CBFA2T3: variants seen among roughly 807,000 people sequenced by gnomAD.
CBFA2T3 encodes the protein CBFA2/RUNX1 partner transcriptional co-repressor 3.
In CBFA2T3, 31 loss-of-function variants were observed where a neutral mutation model predicts 58.6. The observed-to-expected ratio is 0.53, with a 90% CI of 0.40 to 0.71. The LOEUF is 0.71. Ranked by LOEUF, CBFA2T3 falls within the 30% of genes least tolerant of loss-of-function variation. The pLI is 0.00. For synonymous variants in CBFA2T3, 531 were observed against 421.9 expected, an observed-to-expected ratio of 1.26 and a Z score of -3.17; for missense variants, 1,076 against 963.1, an observed-to-expected ratio of 1.12 and a Z score of -1.55.
chr16:88,973,882 C>T (rs759281838), intron 1 of CBFA2T3, among the ~76,000 whole-genome samples: 4 of 148,660 alleles, frequency 2.7e-5, no homozygotes, highest in Non-Finnish European at 4.4e-5. Flanking sequence ...ATAACATCTG[C>T]CCGCCTTGCC....
At position 88,898,145 on chromosome 16, in the gene CBFA2T3, C is replaced by T; in HGVS notation, c.312G>A (p.Glu104=). 6.2e-7 allele frequency: 1 copy of T among 1,612,274 alleles called. No individual in the cohort carries two copies. The highest frequency in any genetic ancestry group is 2.2e-5 in the East Asian group (1 of 44,880). ...PPSFTPHTHR[E]DGPATLPHGR... is the part of the protein sequence containing the mutation. The stretch of plus-strand genomic sequence containing the variant: ...CGTGGGGCAGCGTCGCAGGCCCGTC[C>T]TCTCGATCTGTAAGCAAAATAAGAA... The change falls in exon 3 of 12, where the codon GAG becomes GAA. Residue 104 remains glutamate, a synonymous_variant. Transcript: ENST00000268679.
intron 2 of CBFA2T3, among the ~76,000 whole-genome samples, chr16:88,900,408 C>T (rs532267866): frequency 2.0e-4 from 30 of 152,362 alleles, no homozygotes; most frequent in African/African-American, 5.8e-4. Flanking sequence ...AAGCCCTCGG[C>T]GGAGCAGGCC....
At chr16:88,961,867 G>A (rs535957194) in intron 1 of CBFA2T3, among the ~76,000 whole-genome samples, 9 of 140,902 alleles carry the variant, frequency 6.4e-5, no homozygotes, top group African/African-American at 1.9e-4. Flanking sequence ...CATAGTAACC[G>A]ACAGTCAGCG....
At chr16:88,975,184 T>G (rs78482403) in intron 1 of CBFA2T3, among the ~76,000 whole-genome samples, 17,086 of 62,104 alleles carry the variant, frequency 0.28, 1,307 homozygotes, top group East Asian at 0.32. Context: ...CTCCACATCT[T>G]TAGCCATGTC....
At chr16:88,906,857 C>G (rs978818346) in intron 1 of CBFA2T3, among the ~76,000 whole-genome samples, 1 of 152,214 alleles carries the variant, frequency 6.6e-6, no homozygotes, top group Non-Finnish European at 1.5e-5. Flanking sequence ...CAGCCTGGAC[C>G]CTGACTCAGC....
rs1445824207 is a variant in CBFA2T3, at chr16:88,882,742, C to G, written c.1137G>C (p.Gln379His). 2 of 1,583,060 alleles carry G rather than the reference C, an allele frequency of 1.3e-6. No individual in the cohort carries two copies. Among genetic ancestry groups the G allele is most frequent in the Non-Finnish European group, 1.7e-6 (2 of 1,164,612 alleles). Residue 379 changes from glutamine (Q) to histidine (H), a missense_variant, in exon 8 of 12, where the codon CAG (glutamine) becomes CAC (histidine). Coordinates refer to ENST00000268679, the MANE Select transcript of CBFA2T3 (RefSeq NM_005187.6). ...TGAGCTTGTGGTCGATCACTTCTTC[C>G]TGCCGGGACCCAGGCACCACTGTGG... ...HRPLVVPGSR[Q>H]EEVIDHKLTE...
intron 1 of CBFA2T3, among the ~76,000 whole-genome samples, chr16:88,912,011 C>T (rs113576147): frequency 0.018 from 2,675 of 152,348 alleles, 92 homozygotes; most frequent in African/African-American, 0.062. Flanking sequence ...GGCCTGGGTG[C>T]AGAGGTCCCG....
In CBFA2T3 at chr16:88,885,807, G is replaced by A. The variant is rs746463484; in HGVS notation, c.893+154C>T. 5 of 646,608 alleles carry A rather than the reference G, an allele frequency of 7.7e-6. No homozygotes were observed. The highest frequency in any genetic ancestry group is 2.8e-5 in the Admixed American group (1 of 35,250). The allele number at this position is 646,608 out of a possible 1,614,324, so 40.1% of individuals were successfully genotyped here. ...CGCCCGTGCAGCCACCAAGCCTGCT[G>A]GCCCTAGTACACCTCGCCACGCTCC... is the stretch of plus-strand genomic sequence containing the variant. On this transcript the variant is annotated intron_variant, in intron 6 of 11. Coordinates refer to ENST00000268679, the MANE Select transcript of CBFA2T3 (RefSeq NM_005187.6). This position sits in a 1 kb window ranked among gnomAD's most constrained non-coding sequence, Gnocchi z 5.3.
At chr16:88,896,457 G>T (rs557349916) in intron 3 of CBFA2T3, among the ~76,000 whole-genome samples, 2 of 152,260 alleles carry the variant, frequency 1.3e-5, no homozygotes, top group Admixed American at 6.5e-5. Context: ...CTTCTGGGGG[G>T]ACAGTGGACG....
chr16:88,929,072 G>A (rs491224), intron 1 of CBFA2T3, among the ~76,000 whole-genome samples: 63,849 of 152,076 alleles, frequency 0.42, 14,015 homozygotes, highest in Middle Eastern at 0.57. Context: ...TCTGGCTGCC[G>A]AGTGCAAAAT....
chr16:88,966,693 C>T (rs1047517550), intron 1 of CBFA2T3, among the ~76,000 whole-genome samples: 1 of 151,996 alleles, frequency 6.6e-6, no homozygotes, highest in Non-Finnish European at 1.5e-5. Context: ...TGCCTGCCAT[C>T]ACCAACACCT....
chr16:88,913,714 ATCTACAAG>A (rs1355528670), intron 1 of CBFA2T3, among the ~76,000 whole-genome samples: 1 of 152,214 alleles, frequency 6.6e-6, no homozygotes, highest in Non-Finnish European at 1.5e-5. Flanking sequence ...ACAAACAGTG[ATCTACAAG>A]GATGTTTGTC....
intron 1 of CBFA2T3, among the ~76,000 whole-genome samples, chr16:88,961,294 T>C (rs901410385): frequency 2.4e-4 from 36 of 152,234 alleles, no homozygotes; most frequent in Non-Finnish European, 5.1e-4. Context: ...GCACTGGAGA[T>C]TTCCACTGCA....
chr16:88,930,981 T>C (rs1864249865), intron 1 of CBFA2T3, among the ~76,000 whole-genome samples: 1 of 151,986 alleles, frequency 6.6e-6, no homozygotes, highest in African/African-American at 2.4e-5. Flanking sequence ...AGTGACACTA[T>C]AACTCCACGA....
intron 1 of CBFA2T3, among the ~76,000 whole-genome samples, chr16:88,920,588 A>T (rs1970879925): frequency 3.3e-5 from 5 of 152,146 alleles, no homozygotes; most frequent in African/African-American, 1.2e-4. Flanking sequence ...CCTGGCCAGG[A>T]ATATTTCATC....
intron 1 of CBFA2T3, among the ~76,000 whole-genome samples, chr16:88,914,500 AAC>A (rs1970627863): frequency 6.6e-6 from 1 of 152,250 alleles, no homozygotes; most frequent in African/African-American, 2.4e-5. Context: ...TGGAAATAAA[AAC>A]ACGCACAGAA....
intron 1 of CBFA2T3, among the ~76,000 whole-genome samples, chr16:88,972,104 G>C (rs1185007009): frequency 6.6e-6 from 1 of 152,204 alleles, no homozygotes; most frequent in Admixed American, 6.5e-5. Context: ...TGCTGGACAG[G>C]AGGACATGGC....
At chr16:88,889,845 T>G (rs1051778893) in intron 5 of CBFA2T3, among the ~76,000 whole-genome samples, 2 of 134,802 alleles carry the variant, frequency 1.5e-5, no homozygotes, top group South Asian at 2.5e-4. Context: ...CCGCGATTCC[T>G]CCTCCTCCAG....
chr16:88,914,733 C>T (rs1246375149), intron 1 of CBFA2T3, among the ~76,000 whole-genome samples: 5 of 152,274 alleles, frequency 3.3e-5, no homozygotes, highest in Non-Finnish European at 7.4e-5. Flanking sequence ...AGCACCCTGC[C>T]GGTTGAGCAA....
Sources: gnomAD v4.1 joint callset for allele counts (sites outside exome capture counted in the v4.1 genomes callset) on GRCh38, gnomAD v4.1.1 for gene constraint, Gnocchi (gnomAD v3.1) non-coding constraint, MANE v1.5 for transcripts, NCBI Gene and HGNC (gene_info 2026-07-23, HGNC 2026-07-21) for gene names.